The following ARHGAP42 variants were observed in gnomAD, a reference collection of about 807,000 sequenced individuals.
ARHGAP42 encodes the protein rho GTPase-activating protein 42.
In ARHGAP42, 63 loss-of-function variants were observed where a neutral mutation model predicts 125.0. The ratio of observed to expected loss-of-function variants is 0.50; its 90% confidence interval spans 0.41 to 0.62. The LOEUF (loss-of-function observed/expected upper bound fraction) is 0.62. Ranked by LOEUF, ARHGAP42 falls within the 20% of genes least tolerant of loss-of-function variation. The pLI is 0.00. For missense variants in ARHGAP42, 766 were observed against 1,024.2 expected (o/e 0.75, Z 3.44); for synonymous variants, 339 against 351.0 (o/e 0.97, Z 0.38).
intron 23 of ARHGAP42, 25 bp from the exon 24 acceptor site, chr11:100,988,688 G>A (rs1858752304): frequency 2.0e-6 from 3 of 1,506,214 alleles, no homozygotes; most frequent in Non-Finnish European, 2.7e-6. Context: ...TTGACTGAGT[G>A]CTATTTATTT....
At chr11:100,807,504 T>C (rs1864026546) in intron 3 of ARHGAP42, among the ~76,000 whole-genome samples, 1 of 152,144 alleles carries the variant, frequency 6.6e-6, no homozygotes. Flanking sequence ...CCTTTTTATA[T>C]ACATGTTATT....
chr11:100,761,240 A>G (rs1862694594), intron 1 of ARHGAP42, among the ~76,000 whole-genome samples: 1 of 152,222 alleles, frequency 6.6e-6, no homozygotes, highest in African/African-American at 2.4e-5. Flanking sequence ...CACAGACAGT[A>G]CTTTACAAAG....
At position 100,779,540 on chromosome 11, in the gene ARHGAP42, GTA is replaced by G. The variant is rs112235261; in HGVS notation, c.250+9111_250+9112del. Reference sequence around the variant, plus strand: ...TATACGTATACATGCGTATATATACGTATATATATACATATACATACGTATAT... The same window carrying G: ...TATACGTATACATGCGTATATATACGTATATATACATATACATACGTATAT... On this transcript the variant is annotated intron_variant, in intron 2 of 23. Transcript: ENST00000298815. 7.2e-3 allele frequency among the ~76,000 whole-genome samples: 270 copies of G among 37,618 alleles called. 9 individuals are homozygous for G. The highest frequency in any genetic ancestry group is 0.019 in the East Asian group (26 of 1,378). The allele number at this position is 37,618 out of a possible 152,430, so 24.7% of individuals were successfully genotyped here.
intron 8 of ARHGAP42, among the ~76,000 whole-genome samples, chr11:100,940,440 A>C (rs1867848428): frequency 6.6e-6 from 1 of 152,158 alleles, no homozygotes; most frequent in Admixed American, 6.6e-5. Context: ...GTTTGGGTGC[A>C]GGATACTTGG....
At chr11:100,976,994 G>T (rs1858410204) in intron 21 of ARHGAP42, 23 bp downstream of exon 21, 8 of 1,550,552 alleles carry the variant, frequency 5.2e-6, no homozygotes, top group Admixed American at 2.0e-5. Context: ...TTGTATATTT[G>T]CTGTGTCTCC....
chr11:100,708,152 T>G (rs1861507524), intron 1 of ARHGAP42, among the ~76,000 whole-genome samples: 1 of 152,162 alleles, frequency 6.6e-6, no homozygotes, highest in South Asian at 2.1e-4. Flanking sequence ...TGGTAATGCC[T>G]CCTTTTTAAA....
At chr11:100,913,612 C>T in intron 5 of ARHGAP42, 59 bp downstream of exon 5, 2 of 937,508 alleles carry the variant, frequency 2.1e-6, no homozygotes, top group East Asian at 6.7e-5. Flanking sequence ...GTCAAAATTT[C>T]CAAAGGTAAA....
chr11:100,768,480 C>T (rs1012866120), intron 1 of ARHGAP42, among the ~76,000 whole-genome samples: 10 of 152,104 alleles, frequency 6.6e-5, no homozygotes, highest in Admixed American at 2.0e-4. Context: ...GAGGCCTAGT[C>T]AAGAAGAGGG....
At chr11:100,903,801 G>A (rs913277247) in intron 4 of ARHGAP42, among the ~76,000 whole-genome samples, 1 of 140,010 alleles carries the variant, frequency 7.1e-6, no homozygotes, top group Non-Finnish European at 1.5e-5. Flanking sequence ...ACGATCACAA[G>A]GTCCCACAAT....
chr11:100,796,713 G>A (rs998244651), intron 3 of ARHGAP42, among the ~76,000 whole-genome samples: 3 of 150,884 alleles, frequency 2.0e-5, no homozygotes, highest in Non-Finnish European at 4.4e-5. Context: ...GATCAAACTA[G>A]CCACATTTCC....
At chr11:100,690,626 T>G (rs1310190413) in intron 1 of ARHGAP42, among the ~76,000 whole-genome samples, 1 of 152,210 alleles carries the variant, frequency 6.6e-6, no homozygotes, top group Non-Finnish European at 1.5e-5. Context: ...TGACAGAGTC[T>G]CGCTCTGTCG....
At position 100,687,622 on chromosome 11, in the gene ARHGAP42, C is replaced by A. The variant is rs796796399; in HGVS notation, c.-57C>A. 5 of 1,237,814 alleles carry A rather than the reference C, an allele frequency of 4.0e-6. No individual in the cohort carries two copies. The African/African-American group carries it at 6.3e-5, about 16-fold the overall frequency. 76.7% of individuals were successfully genotyped at this position (1,237,814 alleles called of 1,614,324 possible). Reference sequence around the variant, plus strand: ...GCGCCCGCCGCGGCCGCCGGCTGCCCCCGCCCTGACCTCCGGCCCGGACGT... The same window carrying A: ...GCGCCCGCCGCGGCCGCCGGCTGCCACCGCCCTGACCTCCGGCCCGGACGT... On this transcript the variant is annotated 5_prime_UTR_variant, in exon 1 of 24. Coordinates refer to ENST00000298815, the MANE Select transcript of ARHGAP42 (RefSeq NM_152432.4).
At chr11:100,769,807 C>G (rs1404703322) in intron 1 of ARHGAP42, among the ~76,000 whole-genome samples, 1 of 129,890 alleles carries the variant, frequency 7.7e-6, no homozygotes, top group Non-Finnish European at 1.6e-5. Flanking sequence ...GAACAACATA[C>G]ACTGGGGCCT....
intron 1 of ARHGAP42, among the ~76,000 whole-genome samples, chr11:100,714,995 G>T (rs1345714082): frequency 6.8e-6 from 1 of 146,296 alleles, no homozygotes; most frequent in Non-Finnish European, 1.5e-5. Flanking sequence ...GCTGCAGTGA[G>T]CTGTGATTGC....
chr11:100,950,067 T>C (rs1033494245), intron 12 of ARHGAP42, 111 bp downstream of exon 12: 85 of 534,160 alleles, frequency 1.6e-4, no homozygotes, highest in Non-Finnish European at 2.4e-4. Context: ...ATTGATCTCA[T>C]GGTACAGCAA....
At chr11:100,881,268 T>G (rs1565257100) in intron 4 of ARHGAP42, among the ~76,000 whole-genome samples, 2 of 151,866 alleles carry the variant, frequency 1.3e-5, no homozygotes, top group Non-Finnish European at 2.9e-5. Flanking sequence ...TTACATAAGG[T>G]GAGATCCAGT....
At chr11:100,748,714 A>G (rs890471817) in intron 1 of ARHGAP42, among the ~76,000 whole-genome samples, 53 of 152,352 alleles carry the variant, frequency 3.5e-4, no homozygotes, top group African/African-American at 1.2e-3. Context: ...TCTATGGGTT[A>G]CTGGGTTAAG....
chr11:100,903,117 G>GCACGCACACACACACACACACA (rs1555021070), intron 4 of ARHGAP42, among the ~76,000 whole-genome samples: 1 of 131,942 alleles, frequency 7.6e-6, no homozygotes, highest in Non-Finnish European at 1.6e-5. Context: ...TCCAAGATGC[G>GCACGCACACACACACACACACA]CACACACACA....
intron 16 of ARHGAP42, among the ~76,000 whole-genome samples, chr11:100,964,597 A>C (rs998973590): frequency 1.3e-5 from 2 of 152,190 alleles, no homozygotes; most frequent in Non-Finnish European, 2.9e-5. Context: ...TATAGTGGGC[A>C]ATCATCCCAG....
Sources: gnomAD v4.1 joint callset for allele counts (sites outside exome capture counted in the v4.1 genomes callset) on GRCh38, gnomAD v4.1.1 for gene constraint, MANE v1.5 for transcripts, NCBI Gene and HGNC (gene_info 2026-07-23, HGNC 2026-07-21) for gene names.